Variants in PYROXD1 observed in about 807,000 individuals in gnomAD.
The protein encoded by PYROXD1 is tRNA ligase complex-associated NAD(P)H dehydrogenase PYROXD1.
PYROXD1 carries 42 observed loss-of-function variants against 62.0 expected under a neutral mutation model. That is an observed-to-expected ratio of 0.68 (90% CI 0.53 to 0.88). The LOEUF (loss-of-function observed/expected upper bound fraction) is 0.88, where lower values mean the gene tolerates loss of function less well. Ranked by LOEUF, PYROXD1 falls within the 40% of genes least tolerant of loss-of-function variation. The pLI, the probability that PYROXD1 is intolerant of heterozygous loss-of-function variation, is 0.00. For missense variants in PYROXD1, 493 were observed against 604.8 expected (o/e 0.82, Z 1.94); for synonymous variants, 170 against 206.4 (o/e 0.82, Z 1.51).
chr12:21,446,255 C>G (rs1942385100), intron 3 of PYROXD1, among the ~76,000 whole-genome samples: 2 of 152,156 alleles, frequency 1.3e-5, no homozygotes, highest in South Asian at 2.1e-4. Context: ...AACCCTGTCT[C>G]TACTAAAAAT....
Position 21,455,180 on chromosome 12 carries a change from T to C in PYROXD1, c.537T>C (p.Ala179=), listed in dbSNP as rs776528068. Residue 179 remains alanine (A), a synonymous_variant, in exon 6 of 12, where the codon GCT becomes GCC. Coordinates refer to ENST00000240651, the MANE Select transcript of PYROXD1 (RefSeq NM_024854.5). ...TGATTTGGGCCATTAAAGATAAAGC[T>C]ATAGGGAATACTTTCTTCGATGCAG... ...CEVIWAIKDK[A]IGNTFFDAGA... 1.3e-6 allele frequency: 2 copies of C among 1,566,144 alleles called. No individual in the cohort carries two copies. The highest frequency in any genetic ancestry group is 4.6e-5 in the East Asian group (2 of 43,058).
Position 21,468,502 on chromosome 12 carries a change from A to G in PYROXD1, c.1255-4A>G, listed in dbSNP as rs374740823. On this transcript the variant is annotated splice_region_variant and splice_polypyrimidine_tract_variant and intron_variant, in intron 11 of 11. Coordinates refer to ENST00000240651, the MANE Select transcript of PYROXD1 (RefSeq NM_024854.5). The stretch of plus-strand genomic sequence containing the variant: ...GACAATAACCTTTTTATCTCTAAAT[A>G]TAGGTTGTACTGCTGGGAAAATACA... 11 of 1,608,932 alleles carry G rather than the reference A, an allele frequency of 6.8e-6. No individual in the cohort carries two copies. In the African/African-American group the frequency reaches 1.5e-4, roughly 22 times the overall value.
intron 10 of PYROXD1, among the ~76,000 whole-genome samples, chr12:21,465,606 T>C (rs1942778388): frequency 6.6e-6 from 1 of 151,636 alleles, no homozygotes; most frequent in African/African-American, 2.4e-5. Flanking sequence ...TTTTCTCCCA[T>C]TCTGTAGGTT....
intron 3 of PYROXD1, among the ~76,000 whole-genome samples, chr12:21,446,281 G>T (rs1591939950): frequency 6.6e-6 from 1 of 151,556 alleles, no homozygotes; most frequent in East Asian, 2.0e-4. Flanking sequence ...AAATTAGCCG[G>T]GTGTGGTGGC....
chr12:21,442,559 G>A (rs1942315448), intron 2 of PYROXD1, among the ~76,000 whole-genome samples: 1 of 152,190 alleles, frequency 6.6e-6, no homozygotes, highest in Non-Finnish European at 1.5e-5. Flanking sequence ...GGCCCAGTAT[G>A]GGCCGTAGAA....
At chr12:21,447,610 C>A in intron 3 of PYROXD1, 1 of 169,736 alleles carries the variant, frequency 5.9e-6, no homozygotes, top group Non-Finnish European at 1.5e-5. Context: ...TGGCAGCCAT[C>A]AGCAGTTCTA....
Position 21,462,778 on chromosome 12 carries a change from T to C in PYROXD1, c.1032T>C (p.Asp344=), listed in dbSNP as rs773869207. 15 of 1,613,772 alleles carry C rather than the reference T, an allele frequency of 9.3e-6. No individual in the cohort carries two copies. The highest frequency in any genetic ancestry group is 1.3e-5 in the Non-Finnish European group (15 of 1,179,808). ...AAGATGGTGGCCTGAAAGTGGATGA[T>C]CATATGCACACATCCCTTCCTGATA... The part of the protein sequence containing the change: ...LGEDGGLKVD[D]HMHTSLPDIY... The change falls in exon 10 of 12, where the codon GAT becomes GAC. Residue 344 remains aspartate (D), a synonymous_variant. Coordinates refer to ENST00000240651, the MANE Select transcript of PYROXD1 (RefSeq NM_024854.5).
At chr12:21,460,448 G>T (rs1466939994) in intron 7 of PYROXD1, among the ~76,000 whole-genome samples, 1 of 148,466 alleles carries the variant, frequency 6.7e-6, no homozygotes. Flanking sequence ...TTTTGAGACA[G>T]AGTCTCGCTC....
At chr12:21,444,532 A>T (rs1200587399) in intron 2 of PYROXD1, among the ~76,000 whole-genome samples, 1 of 152,238 alleles carries the variant, frequency 6.6e-6, no homozygotes, top group African/African-American at 2.4e-5. Flanking sequence ...GAGAAAAAAG[A>T]TTACTGCTAA....
intron 10 of PYROXD1, among the ~76,000 whole-genome samples, chr12:21,465,279 C>T (rs866479922): frequency 3.3e-5 from 5 of 152,276 alleles, no homozygotes; most frequent in Non-Finnish European, 5.9e-5. Flanking sequence ...AGTTTACAGT[C>T]CCACCAACAG....
intron 3 of PYROXD1, among the ~76,000 whole-genome samples, 188 bp downstream of exon 3, chr12:21,445,654 A>C (rs1377762549): frequency 6.6e-6 from 1 of 152,188 alleles, no homozygotes; most frequent in Non-Finnish European, 1.5e-5. Flanking sequence ...TTATATAATT[A>C]GATTTGGGAT....
chr12:21,452,326 C>G (rs115855519), intron 5 of PYROXD1, among the ~76,000 whole-genome samples, 172 bp downstream of exon 5: 1 of 151,686 alleles, frequency 6.6e-6, no homozygotes, highest in Non-Finnish European at 1.5e-5. Context: ...GGGAAAAATC[C>G]ACCATATTTT....
At chr12:21,445,603 G>A in intron 3 of PYROXD1, 137 bp downstream of exon 3, 4 of 867,684 alleles carry the variant, frequency 4.6e-6, no homozygotes, top group South Asian at 2.6e-5. Flanking sequence ...TTGATTTCCA[G>A]TATTATTAGA....
Position 21,470,191 on chromosome 12 carries a change from A to T in PYROXD1, c.*1437A>T, listed in dbSNP as rs368836874. On this transcript the variant is annotated 3_prime_UTR_variant, in exon 12 of 12. Coordinates refer to ENST00000240651, the MANE Select transcript of PYROXD1 (RefSeq NM_024854.5). ...TTAATTAGAAAATTTAGTAACATTC[A>T]TATCAGGCATCATCGATTTTTCTTT... is the stretch of plus-strand genomic sequence containing the variant. The T allele has an allele frequency of 6.2e-7, 1 of 1,611,474 alleles. No individual in the cohort carries two copies. Among genetic ancestry groups the T allele is most frequent in the Non-Finnish European group, 8.5e-7 (1 of 1,178,432 alleles).
chr12:21,438,369 G>T (rs1942233105), intron 1 of PYROXD1: 1 of 152,412 alleles, frequency 6.6e-6, no homozygotes, highest in Admixed American at 6.5e-5. Flanking sequence ...GAACTCCTGG[G>T]CTCAAGCAGT....
At chr12:21,458,848 A>C (rs1223332877) in intron 7 of PYROXD1, among the ~76,000 whole-genome samples, 1 of 152,224 alleles carries the variant, frequency 6.6e-6, no homozygotes, top group East Asian at 1.9e-4. Context: ...GATCACCATA[A>C]AAGATCTAAT....
At chr12:21,442,465 A>G (rs1006018819) in intron 2 of PYROXD1, among the ~76,000 whole-genome samples, 14 of 152,172 alleles carry the variant, frequency 9.2e-5, no homozygotes, top group African/African-American at 3.4e-4. Context: ...TAGATTGCAG[A>G]CATGTGCAGT....
intron 3 of PYROXD1, among the ~76,000 whole-genome samples, chr12:21,449,302 T>C (rs1294956576): frequency 6.6e-6 from 1 of 152,216 alleles, no homozygotes; most frequent in East Asian, 1.9e-4. Context: ...ATGTACCTTT[T>C]TATGCCAGGG....
At chr12:21,437,869 A>T (rs918874925) in intron 1 of PYROXD1, 55 bp downstream of exon 1, 1 of 1,463,548 alleles carries the variant, frequency 6.8e-7, no homozygotes, top group Admixed American at 2.0e-5. Context: ...AGGGGATAGC[A>T]CTGGAGGCCT....
Sources: gnomAD v4.1 joint callset for allele counts (sites outside exome capture counted in the v4.1 genomes callset) on GRCh38, gnomAD v4.1.1 for gene constraint, MANE v1.5 for transcripts, NCBI Gene and HGNC (gene_info 2026-07-23, HGNC 2026-07-21) for gene names.